Variants in MGST1 observed in about 807,000 individuals in gnomAD.
MGST1 encodes the protein glutathione S-transferase 12.
Under a neutral mutation model 8.9 loss-of-function variants are expected in MGST1, and 5 were observed. The ratio of observed to expected loss-of-function variants is 0.56; its 90% CI spans 0.29 to 1.19. The LOEUF is 1.19. Ranked by LOEUF, MGST1 falls within the 50% of genes most tolerant of loss-of-function variation. The probability of loss-of-function intolerance (pLI) is 0.08; values close to 1 mark genes in which losing one functional copy is unlikely to be tolerated. For missense variants in MGST1, 182 were observed against 187.4 expected (o/e 0.97, Z 0.17); for synonymous variants, 54 against 67.8 (o/e 0.80, Z 1.00).
chr12:16,536,082 A>AGTGTGTGTGTGTGTGT (rs10579042), intron 4 of MGST1, among the ~76,000 whole-genome samples: 4 of 145,440 alleles, frequency 2.8e-5, no homozygotes, highest in African/African-American at 1.0e-4. Context: ...GGTGTGTGTG[A>AGTGTGTGTGTGTGTGT]GTGTGTGTGT....
At chr12:16,572,203 A>G (rs533980321) in intron 4 of MGST1, among the ~76,000 whole-genome samples, 1 of 151,972 alleles carries the variant, frequency 6.6e-6, no homozygotes, top group African/African-American at 2.4e-5. Flanking sequence ...AGAAGGAGAA[A>G]TACTAAAGTT....
At chr12:16,554,260 A>G (rs1288165855) in intron 4 of MGST1, among the ~76,000 whole-genome samples, 1 of 152,190 alleles carries the variant, frequency 6.6e-6, no homozygotes, top group Non-Finnish European at 1.5e-5. Context: ...AGAAGCCTCC[A>G]CTGGTAACAT....
At chr12:16,349,722 A>T (rs1194056185) in intron 1 of MGST1, among the ~76,000 whole-genome samples, 1 of 149,286 alleles carries the variant, frequency 6.7e-6, no homozygotes, top group Non-Finnish European at 1.5e-5. Flanking sequence ...AACACACAGC[A>T]TTTAACAGGT....
chr12:16,428,737 C>T (rs1386881047), intron 1 of MGST1, among the ~76,000 whole-genome samples: 1 of 151,866 alleles, frequency 6.6e-6, no homozygotes, highest in Non-Finnish European at 1.5e-5. Flanking sequence ...TTATGTATGT[C>T]AGATGGTTAA....
At chr12:16,380,900 G>C (rs531314854), downstream of MGST1, among the ~76,000 whole-genome samples, 120 of 152,154 alleles carry the variant, frequency 7.9e-4, no homozygotes, top group African/African-American at 2.5e-3. Context: ...TTATGTAGTG[G>C]CCTTCTTTGT....
chr12:16,422,033 T>C (rs898061734), intron 1 of MGST1, among the ~76,000 whole-genome samples: 5 of 152,156 alleles, frequency 3.3e-5, no homozygotes, highest in African/African-American at 1.2e-4. Context: ...GCAGTGAGCA[T>C]TCATGCTGGG....
At chr12:16,538,079 T>G (rs1196816475) in intron 4 of MGST1, among the ~76,000 whole-genome samples, 1 of 152,216 alleles carries the variant, frequency 6.6e-6, no homozygotes, top group Non-Finnish European at 1.5e-5. Context: ...TTTATCAGCA[T>G]CCAAGTCACC....
chr12:16,442,075 C>T (rs1006573989), downstream of MGST1, among the ~76,000 whole-genome samples: 3 of 151,742 alleles, frequency 2.0e-5, no homozygotes, highest in South Asian at 2.1e-4. The surrounding 1 kb of genome is among the most constrained non-coding windows in gnomAD (Gnocchi z 4.5). Flanking sequence ...TAATATGGAG[C>T]GTCTTTTCAT....
Position 16,354,319 on chromosome 12 carries a change from A to G in MGST1, c.67A>G (p.Ile23Val), listed in dbSNP as rs1462317609. 3 of 1,607,228 alleles carry G rather than the reference A, an allele frequency of 1.9e-6. No individual in the cohort carries two copies. The African/African-American group carries it at 4.0e-5, about 22-fold the overall frequency. ...GGCTTTTGCATCCTATGCAACAATT[A>G]TTCTTTCAAAAATGATGCTTATGAG... ...FMAFASYATIILSKMMLMSTA... is the reference protein window; with the variant it reads ...FMAFASYATIVLSKMMLMSTA... The change falls in exon 2 of 4, where the codon ATT (isoleucine) becomes GTT (valine). Residue 23 changes from isoleucine to valine, a missense_variant. Physicochemically the swap from Ile to Val is conservative, Grantham distance 29 (BLOSUM62 3). Coordinates refer to ENST00000396210, the MANE Select transcript of MGST1 (RefSeq NM_020300.5).
In MGST1 at chr12:16,458,273, A is replaced by G. The variant is rs993222662; in HGVS notation, n.482+74669A>G. ...AAATGACCACTCATTACAAGTTTCAATTTAGGAGCTTGGCTGGGGTCAGCA... is the reference window on the plus strand; with the variant it reads ...AAATGACCACTCATTACAAGTTTCAGTTTAGGAGCTTGGCTGGGGTCAGCA... On this transcript the variant is annotated intron_variant and non_coding_transcript_variant, in intron 4 of 4. Transcript: ENST00000538857. This position sits in a 1 kb window ranked among gnomAD's most constrained non-coding sequence, Gnocchi z 4.0. Among the ~76,000 whole-genome samples, 7 of 152,032 alleles carry G rather than the reference A, an allele frequency of 4.6e-5. No homozygotes were observed. Among genetic ancestry groups the G allele is most frequent in the African/African-American group, 1.7e-4 (7 of 41,430 alleles).
chr12:16,432,731 C>CAGAGAGAG lies in MGST1; in HGVS notation n.779-4653_779-4646dup, dbSNP rs767958436. 4.2e-3 allele frequency among the ~76,000 whole-genome samples: 562 copies of CAGAGAGAG among 132,662 alleles called. 10 individuals are homozygous for CAGAGAGAG. Among genetic ancestry groups the CAGAGAGAG allele is most frequent in the East Asian group, 8.1e-3 (35 of 4,314 alleles). The allele number at this position is 132,662 out of a possible 152,430, so 87.0% of individuals were successfully genotyped here. On this transcript the variant is annotated intron_variant and non_coding_transcript_variant, in intron 1 of 1. Coordinates refer to the MGST1 transcript ENST00000359720. ...ACACACACACACACACACACACACACAGAGAGAGAGAATATTGTCAGAGTT... is the reference window on the plus strand; with the variant it reads ...ACACACACACACACACACACACACACAGAGAGAGAGAGAGAGAGAATATTGTCAGAGTT...
At chr12:16,493,811 A>T (rs925903830) in intron 4 of MGST1, among the ~76,000 whole-genome samples, 3 of 152,172 alleles carry the variant, frequency 2.0e-5, no homozygotes, top group Admixed American at 6.6e-5. Context: ...TTAGAATTTT[A>T]AAATTGTGGA....
downstream of MGST1, among the ~76,000 whole-genome samples, chr12:16,382,135 A>G (rs1484570240): frequency 6.6e-6 from 1 of 151,860 alleles, no homozygotes; most frequent in East Asian, 1.9e-4. Flanking sequence ...TCTTCTCTCA[A>G]CTCATCAAAG....
chr12:16,443,890 C>T (rs1347634202), intron 4 of MGST1, among the ~76,000 whole-genome samples: 2 of 151,914 alleles, frequency 1.3e-5, no homozygotes, highest in Non-Finnish European at 1.5e-5. Context: ...AGGCAGAATT[C>T]AAATCCATAA....
intron 4 of MGST1, among the ~76,000 whole-genome samples, chr12:16,489,949 G>A (rs1941428117): frequency 6.6e-6 from 1 of 152,102 alleles, no homozygotes; most frequent in African/African-American, 2.4e-5. Context: ...GTGAATGGGA[G>A]TGACATATAC....
chr12:16,380,473 T>C (rs10846343), downstream of MGST1, among the ~76,000 whole-genome samples: 13,667 of 152,286 alleles, frequency 0.09, 1,016 homozygotes, highest in East Asian at 0.29. Context: ...TTTTTAATCC[T>C]GAGTTCTAGT....
chr12:16,481,670 G>A (rs917647460), intron 4 of MGST1, among the ~76,000 whole-genome samples: 3 of 151,930 alleles, frequency 2.0e-5, no homozygotes, highest in African/African-American at 4.8e-5. Context: ...TAATCTAGAC[G>A]GTAGATCTAA....
chr12:16,439,112 GT>G (rs1941016053), downstream of MGST1, among the ~76,000 whole-genome samples: 2 of 129,244 alleles, frequency 1.5e-5, no homozygotes, highest in Admixed American at 1.5e-4. Flanking sequence ...AGTAAGACAT[GT>G]AAAAAAAAAA....
At chr12:16,383,424 AT>A (rs1236703697) in exon 1 of MGST1, 8 of 151,934 alleles carry the variant, frequency 5.3e-5, no homozygotes, top group Non-Finnish European at 8.8e-5. Flanking sequence ...AAATTTATAT[AT>A]TTTTTTCCAA....
Sources: allele counts gnomAD v4.1 joint callset (sites outside exome capture counted in the v4.1 genomes callset), GRCh38; gene constraint gnomAD v4.1.1; non-coding constraint Gnocchi (gnomAD v3.1); transcripts MANE v1.5; gene names NCBI Gene and HGNC (gene_info 2026-07-23, HGNC 2026-07-21).